GNA12: variants seen among roughly 807,000 people sequenced by gnomAD.
The protein encoded by GNA12 is guanine nucleotide-binding protein subunit alpha-12.
GNA12 carries 9 observed loss-of-function variants against 26.0 expected under a neutral mutation model. The ratio of observed to expected loss-of-function variants is 0.35; its 90% CI spans 0.21 to 0.60. The LOEUF (loss-of-function observed/expected upper bound fraction) is 0.60. Among genes scored for constraint, GNA12 ranks in the 20% least tolerant of loss-of-function variants. GNA12 has a pLI of 0.78. For missense variants in GNA12, 405 were observed against 525.8 expected (o/e 0.77, Z 2.25); for synonymous variants, 264 against 219.6 (o/e 1.20, Z -1.79).
chr7:2,745,891 T>G (rs1790740671), intron 2 of GNA12, among the ~76,000 whole-genome samples: 1 of 152,088 alleles, frequency 6.6e-6, no homozygotes, highest in African/African-American at 2.4e-5. Context: ...TAAAACAGAC[T>G]TTAAACCAAC....
intron 2 of GNA12, among the ~76,000 whole-genome samples, chr7:2,756,793 T>C (rs1357215400): frequency 6.6e-6 from 1 of 152,090 alleles, no homozygotes; most frequent in East Asian, 1.9e-4. Context: ...TACTTTAAGT[T>C]AGTCAAAGAG....
At chr7:2,809,432 T>C (rs1325421289) in intron 1 of GNA12, among the ~76,000 whole-genome samples, 1 of 152,226 alleles carries the variant, frequency 6.6e-6, no homozygotes, top group East Asian at 1.9e-4. Flanking sequence ...CATTAGCGTT[T>C]CAATGTATTT....
At chr7:2,744,983 G>C (rs1013776193) in intron 2 of GNA12, among the ~76,000 whole-genome samples, 1 of 152,162 alleles carries the variant, frequency 6.6e-6, no homozygotes, top group African/African-American at 2.4e-5. Flanking sequence ...AGAATAAAAA[G>C]AAACGAACAA....
At chr7:2,778,115 G>A (rs1451282827) in intron 2 of GNA12, among the ~76,000 whole-genome samples, 1 of 152,126 alleles carries the variant, frequency 6.6e-6, no homozygotes, top group African/African-American at 2.4e-5. Context: ...AGACTCGCTG[G>A]GATACATGTG....
intron 1 of GNA12, among the ~76,000 whole-genome samples, chr7:2,810,265 G>T (rs780145961): frequency 6.6e-6 from 1 of 152,072 alleles, no homozygotes; most frequent in Non-Finnish European, 1.5e-5. Flanking sequence ...TTCTCACTGT[G>T]TCCTCAGATG....
At position 2,731,431 on chromosome 7, in the gene GNA12, T is replaced by G; in HGVS notation, c.896A>C (p.Asp299Ala). 1 of 1,613,278 alleles carries G rather than the reference T, an allele frequency of 6.2e-7. No individual in the cohort carries two copies. Among genetic ancestry groups the G allele is most frequent in the Non-Finnish European group, 8.5e-7 (1 of 1,179,516 alleles). Residue 299 changes from aspartate to alanine, a missense_variant, in exon 4 of 4, where the codon GAC (aspartate) becomes GCC (alanine). Transcript: ENST00000275364. This position sits in a 1 kb window ranked among gnomAD's most constrained non-coding sequence, Gnocchi z 6.0. ...VSIILFLNKM[D>A]LLVEKVKTVS... ...GGTCTTCACCTTCTCCACCAGGAGG[T>G]CCATCTTGTTGAGGAAGAGAATGAT... is the stretch of plus-strand genomic sequence containing the variant.
At chr7:2,780,439 T>C (rs1194650940) in intron 2 of GNA12, among the ~76,000 whole-genome samples, 1 of 152,020 alleles carries the variant, frequency 6.6e-6, no homozygotes, top group Non-Finnish European at 1.5e-5. Context: ...ACCGATAAAA[T>C]AGCAATCACA....
intron 2 of GNA12, among the ~76,000 whole-genome samples, chr7:2,736,108 A>G (rs1417790833): frequency 2.0e-5 from 3 of 152,242 alleles, no homozygotes; most frequent in Non-Finnish European, 2.9e-5. Flanking sequence ...CCAGGTTTAC[A>G]ATCCCATGCA....
At chr7:2,781,035 T>C (rs1049015311) in intron 2 of GNA12, among the ~76,000 whole-genome samples, 41 of 152,246 alleles carry the variant, frequency 2.7e-4, no homozygotes, top group Non-Finnish European at 5.7e-4. Flanking sequence ...CACGTTTTAA[T>C]TTTTGCAAAT....
intron 2 of GNA12, among the ~76,000 whole-genome samples, chr7:2,767,245 G>C (rs944292024): frequency 6.6e-6 from 1 of 152,068 alleles, no homozygotes; most frequent in African/African-American, 2.4e-5. Flanking sequence ...CATTTGATGT[G>C]CTCCCATTGG....
At chr7:2,842,501 T>C (rs1779025511) in intron 1 of GNA12, among the ~76,000 whole-genome samples, 1 of 152,210 alleles carries the variant, frequency 6.6e-6, no homozygotes, top group Non-Finnish European at 1.5e-5. Flanking sequence ...TCTTGCTGTG[T>C]TGCCCAGGTT....
At chr7:2,756,552 C>G (rs1345876758) in intron 2 of GNA12, among the ~76,000 whole-genome samples, 2 of 152,086 alleles carry the variant, frequency 1.3e-5, no homozygotes, top group East Asian at 3.9e-4. Flanking sequence ...GAGGTCGAGG[C>G]TGCAGTGAGC....
At chr7:2,776,257 G>C (rs1207484438) in intron 2 of GNA12, among the ~76,000 whole-genome samples, 1 of 152,220 alleles carries the variant, frequency 6.6e-6, no homozygotes, top group African/African-American at 2.4e-5. Context: ...CTTAACCAGA[G>C]TGAACACTGA....
intron 2 of GNA12, chr7:2,762,324 G>A (rs1404314423): frequency 6.2e-6 from 2 of 324,852 alleles, no homozygotes; most frequent in South Asian, 1.0e-4. Flanking sequence ...GCCAGGCGCT[G>A]CGCGACTGCT....
intron 2 of GNA12, among the ~76,000 whole-genome samples, chr7:2,736,123 C>T (rs1428354895): frequency 1.3e-5 from 2 of 152,168 alleles, no homozygotes; most frequent in Non-Finnish European, 2.9e-5. Context: ...CATGCATTTT[C>T]AACACTAAGA....
chr7:2,739,995 A>T (rs1254890505), intron 2 of GNA12, among the ~76,000 whole-genome samples: 1 of 152,064 alleles, frequency 6.6e-6, no homozygotes, highest in Non-Finnish European at 1.5e-5. Flanking sequence ...TTCTGTGCTT[A>T]ATTTTCTGAA....
At chr7:2,812,636 A>AACATAACATCACATC (rs1793107906) in intron 1 of GNA12, among the ~76,000 whole-genome samples, 3 of 134,094 alleles carry the variant, frequency 2.2e-5, no homozygotes, top group Non-Finnish European at 3.3e-5. Flanking sequence ...TCTCAAAAAT[A>AACATAACATCACATC]ACATCACATC....
rs1793042141 is a variant in GNA12 at position 2,810,049 on chromosome 7, C to A, written c.310-14906G>T. On this transcript the variant is annotated intron_variant, in intron 1 of 3. Coordinates refer to ENST00000275364, the MANE Select transcript of GNA12 (RefSeq NM_007353.3). ...TGGTTTGACATTAGAAAGGGGTCAA[C>A]CCCAGGAGGGGAGAGGATCGCTTAA... 2.0e-5 allele frequency among the ~76,000 whole-genome samples: 3 copies of A among 152,228 alleles called. No individual in the cohort carries two copies. The South Asian group carries it at 6.2e-4, about 32-fold the overall frequency.
chr7:2,820,441 G>A (rs1244665745), intron 1 of GNA12, among the ~76,000 whole-genome samples: 1 of 149,902 alleles, frequency 6.7e-6, no homozygotes, highest in Non-Finnish European at 1.5e-5. Flanking sequence ...AGGCATGGTG[G>A]CTCATGCCTG....
Sources: allele counts gnomAD v4.1 joint callset (sites outside exome capture counted in the v4.1 genomes callset), GRCh38; gene constraint gnomAD v4.1.1; non-coding constraint Gnocchi (gnomAD v3.1); transcripts MANE v1.5; gene names NCBI Gene and HGNC (gene_info 2026-07-23, HGNC 2026-07-21).